RALGDS: variants seen among roughly 807,000 people sequenced by gnomAD.
RALGDS encodes ral guanine nucleotide exchange factor.
RALGDS carries 44 observed loss-of-function variants against 99.8 expected under a neutral mutation model. That is an observed-to-expected ratio of 0.44 (90% CI 0.35 to 0.57). The LOEUF (loss-of-function observed/expected upper bound fraction) is 0.57. Ranked by LOEUF, RALGDS falls within the 20% of genes least tolerant of loss-of-function variation. RALGDS has a pLI of 0.01. For missense variants in RALGDS, 1,022 were observed against 1,203.1 expected (o/e 0.85, Z 2.23); for synonymous variants, 529 against 505.0 (o/e 1.05, Z -0.64).
chr9:133,120,876 CCCGGCCCCGTCCGGGGCTCG>C, intron 1 of RALGDS, 76 bp downstream of exon 1: 1 of 1,302,054 alleles, frequency 7.7e-7, no homozygotes, highest in Non-Finnish European at 9.9e-7. Flanking sequence ...GCTGGGATCG[CCCGGCCCCGTCCGGGGCTCG>C]CCCCGACCTG....
At position 133,100,310 on chromosome 9, in the gene RALGDS, GCTC is replaced by G. The variant is rs765524512; in HGVS notation, c.2524_2526del (p.Glu842del). ...ATCTGCAGCAGCTCATAGTCCTCCG[GCTC>G]CTCCTCCTCCAGGTTGTGTTTGTCC... On this transcript the variant is annotated inframe_deletion, in exon 17 of 18. Transcript: ENST00000372050. 5.0e-6 allele frequency: 8 copies of G among 1,614,014 alleles called. No individual in the cohort carries two copies. The highest frequency in any genetic ancestry group is 4.5e-5 in the East Asian group (2 of 44,888).
At chr9:133,130,391 G>A (rs1008904638) in intron 1 of RALGDS, among the ~76,000 whole-genome samples, 1 of 152,220 alleles carries the variant, frequency 6.6e-6, no homozygotes, top group Admixed American at 6.5e-5. Context: ...TAAGATTACA[G>A]GTGTGAGCCA....
intron 1 of RALGDS, among the ~76,000 whole-genome samples, chr9:133,129,745 G>GCTTCC (rs1226116166): frequency 2.0e-5 from 3 of 152,016 alleles, no homozygotes; most frequent in African/African-American, 7.3e-5. Flanking sequence ...GTTCTGGAAG[G>GCTTCC]CTTCCCTGCC....
At chr9:133,129,001 CTG>C (rs1832249553) in intron 1 of RALGDS, 1 of 1,087,530 alleles carries the variant, frequency 9.2e-7, no homozygotes, top group African/African-American at 1.6e-5. Flanking sequence ...GAAGACTCCC[CTG>C]TGAGTTCCAA....
chr9:133,109,602 C>T, intron 4 of RALGDS, 24 bp downstream of exon 4: 1 of 1,589,880 alleles, frequency 6.3e-7, no homozygotes, highest in South Asian at 1.1e-5. Context: ...AGGGTCCCTT[C>T]CTCTTGGCTC....
At chr9:133,147,579 A>G (rs1324090797) in intron 1 of RALGDS, among the ~76,000 whole-genome samples, 1 of 152,160 alleles carries the variant, frequency 6.6e-6, no homozygotes, top group East Asian at 1.9e-4. Flanking sequence ...GAGGGATGCT[A>G]GTAATGGGGG....
intron 9 of RALGDS, 78 bp downstream of exon 9, chr9:133,105,854 C>CGCCCCAGCCCCCGCCCCAGCCCCA (rs1831011718): frequency 8.7e-5 from 1 of 11,554 alleles, no homozygotes; most frequent in African/African-American, 1.9e-4. Flanking sequence ...CCCCAGCCCC[C>CGCCCCAGCCCCCGCCCCAGCCCCA]GCCCCAGCCC....
chr9:133,121,257 GC>G, upstream of RALGDS: 1 of 984,226 alleles, frequency 1.0e-6, no homozygotes, highest in Non-Finnish European at 1.2e-6. Context: ...CCGCGGCCCG[GC>G]CCTGCTGATG....
chr9:133,119,617 C>G (rs992465766), intron 1 of RALGDS, among the ~76,000 whole-genome samples: 10 of 152,132 alleles, frequency 6.6e-5, no homozygotes, highest in Admixed American at 5.9e-4. Context: ...ACACAAAGCC[C>G]GAGCTGCTGC....
chr9:133,137,910 G>A (rs1276386302), intron 1 of RALGDS, among the ~76,000 whole-genome samples: 2 of 152,250 alleles, frequency 1.3e-5, no homozygotes, highest in East Asian at 1.9e-4. Context: ...TGGGGGATGG[G>A]GGCTGAGCCC....
In RALGDS at chr9:133,144,428, C is replaced by T. The variant is rs1832589679; in HGVS notation, c.18+4535G>A. 1.3e-5 allele frequency among the ~76,000 whole-genome samples: 2 copies of T among 152,212 alleles called. No homozygotes were observed. Among genetic ancestry groups the T allele is most frequent in the Non-Finnish European group, 2.9e-5 (2 of 68,028 alleles). ...CGACGCAAAGTCGCCACCCAGTCAC[C>T]CCGCCTCGGCCCCGCCTGGTTTGAT... On this transcript the variant is annotated intron_variant, in intron 1 of 17. Coordinates refer to the RALGDS transcript ENST00000393160. The surrounding 1 kb of genome is among the most constrained non-coding windows in gnomAD (Gnocchi z 4.5).
At chr9:133,148,832 G>T in intron 1 of RALGDS, 1 of 1,140,508 alleles carries the variant, frequency 8.8e-7, no homozygotes, top group Non-Finnish European at 1.2e-6. Flanking sequence ...GGGCGGGGTT[G>T]GACGCGGAGC....
At chr9:133,119,594 G>A (rs955226462) in intron 1 of RALGDS, among the ~76,000 whole-genome samples, 8 of 152,184 alleles carry the variant, frequency 5.3e-5, no homozygotes, top group African/African-American at 1.4e-4. Context: ...GCGCTCCGCC[G>A]GACCCTCCCA....
Position 133,107,150 on chromosome 9 carries a change from C to A in RALGDS, c.1348G>T (p.Gly450Trp). The change falls in exon 7 of 18, where the codon GGG becomes TGG. Residue 450 changes from glycine to tryptophan, a missense_variant. This residue lies in a region of RALGDS where 825 missense variants were observed against 994.5 expected (regional missense o/e 0.83). Transcript: ENST00000372050. The stretch of plus-strand genomic sequence containing the variant: ...TCTGGGGCTTTCGTGCTTCGGTTCC[C>A]GAGGCAGGTGGTGATGACACAGTTG... ...VANCVITTCL[G>W]NRSTKAPDRA... is the part of the protein sequence containing the mutation. The A allele has an allele frequency of 6.2e-7, 1 of 1,613,782 alleles. No homozygotes were observed. The highest frequency in any genetic ancestry group is 8.5e-7 in the Non-Finnish European group (1 of 1,180,044).
chr9:133,133,356 G>A (rs1216640791), upstream of RALGDS, among the ~76,000 whole-genome samples: 3 of 152,222 alleles, frequency 2.0e-5, no homozygotes, highest in Non-Finnish European at 2.9e-5. Flanking sequence ...CAGGAGTCCC[G>A]AGGAGGTGGT....
At chr9:133,109,513 G>A in intron 4 of RALGDS, 113 bp downstream of exon 4, 1 of 957,708 alleles carries the variant, frequency 1.0e-6, no homozygotes, top group Non-Finnish European at 1.7e-6. Context: ...ACCACAAGAG[G>A]TGTGGGAGCC....
At chr9:133,143,600 C>T (rs982620538) in intron 1 of RALGDS, among the ~76,000 whole-genome samples, 4 of 151,762 alleles carry the variant, frequency 2.6e-5, no homozygotes, top group African/African-American at 9.7e-5. Context: ...CAAAAAAAAT[C>T]CAAAAATTAG....
At chr9:133,149,210 C>T (rs926770541) in exon 1 of RALGDS, 1 of 148,038 alleles carries the variant, frequency 6.8e-6, no homozygotes. Context: ...CGGGCCTCGC[C>T]GCTCGGTTCC....
intron 1 of RALGDS, among the ~76,000 whole-genome samples, chr9:133,118,148 G>T (rs1831707271): frequency 6.6e-6 from 1 of 152,174 alleles, no homozygotes; most frequent in Non-Finnish European, 1.5e-5. Flanking sequence ...GGTCCTGGGG[G>T]CTGCCCCTTC....
Sources: allele counts gnomAD v4.1 joint callset (sites outside exome capture counted in the v4.1 genomes callset), GRCh38; gene constraint gnomAD v4.1.1; regional missense constraint gnomAD v4.1.1; non-coding constraint Gnocchi (gnomAD v3.1); transcripts MANE v1.5; gene names NCBI Gene and HGNC (gene_info 2026-07-23, HGNC 2026-07-21).